The following SPINDOC variants were observed in gnomAD, a reference collection of about 807,000 sequenced individuals.
SPINDOC encodes the protein spindlin interactor and repressor of chromatin binding.
SPINDOC carries 13 observed loss-of-function variants against 30.7 expected under a neutral mutation model. The ratio of observed to expected loss-of-function variants is 0.42; its 90% confidence interval spans 0.28 to 0.67. The LOEUF (loss-of-function observed/expected upper bound fraction) is 0.67. Ranked by LOEUF, SPINDOC falls within the 30% of genes least tolerant of loss-of-function variation. The probability of loss-of-function intolerance (pLI) is 0.22; values close to 1 mark genes in which losing one functional copy is unlikely to be tolerated. For missense variants in SPINDOC, 438 were observed against 518.0 expected (o/e 0.85, Z 1.50); for synonymous variants, 228 against 211.4 (o/e 1.08, Z -0.68).
intron 5 of SPINDOC, among the ~76,000 whole-genome samples, chr11:63,824,530 G>A (rs1442445825): frequency 6.6e-6 from 1 of 152,106 alleles, no homozygotes; most frequent in Non-Finnish European, 1.5e-5. Flanking sequence ...GAATGAGTAC[G>A]TGCTTAAGTA....
Position 63,827,605 on chromosome 11 carries a change from G to T in SPINDOC, c.*466G>T, listed in dbSNP as rs1000257230. 5 of 191,560 alleles carry T rather than the reference G, an allele frequency of 2.6e-5. No individual in the cohort carries two copies. The highest frequency in any genetic ancestry group is 4.4e-5 in the Non-Finnish European group (4 of 90,376). 11.9% of individuals were successfully genotyped at this position (191,560 alleles called of 1,614,324 possible). On this transcript the variant is annotated 3_prime_UTR_variant, in exon 6 of 6. Coordinates refer to ENST00000294244, the MANE Select transcript of SPINDOC (RefSeq NM_138471.3). ...CATTACCTCTTCCTGTCCCACCCCTGCAGAGGCCTGAAGCTGGGCCTGGGC... is the reference window on the plus strand; with the variant it reads ...CATTACCTCTTCCTGTCCCACCCCTTCAGAGGCCTGAAGCTGGGCCTGGGC...
intron 5 of SPINDOC, among the ~76,000 whole-genome samples, chr11:63,820,198 G>A (rs2015471803): frequency 1.3e-5 from 2 of 151,654 alleles, no homozygotes; most frequent in African/African-American, 4.9e-5. Flanking sequence ...GGGAGTTTGA[G>A]ACCAACCTGG....
chr11:63,816,321 C>T (rs2015338013), intron 1 of SPINDOC, among the ~76,000 whole-genome samples: 1 of 152,256 alleles, frequency 6.6e-6, no homozygotes, highest in South Asian at 2.1e-4. Flanking sequence ...ATGCCCTAGA[C>T]GCAAGTGATG....
intron 5 of SPINDOC, among the ~76,000 whole-genome samples, chr11:63,824,609 GAC>G (rs869214838): frequency 2.6e-5 from 3 of 115,670 alleles, no homozygotes; most frequent in Non-Finnish European, 6.2e-5. Flanking sequence ...AGCTTTCAAT[GAC>G]ATGTGTGTGC....
rs1044148373 is a variant in SPINDOC, at chr11:63,827,545, C to T, written c.*406C>T. The T allele has an allele frequency of 4.2e-6, 1 of 239,922 alleles. No homozygotes were observed. The highest frequency in any genetic ancestry group is 8.4e-6 in the Non-Finnish European group (1 of 119,732). The allele number at this position is 239,922 out of a possible 1,614,324, so 14.9% of individuals were successfully genotyped here. ...CACTACCTCGGGGGACACCTCTCCT[C>T]CCCACTTGTTCAGGCTTCTAAACCA... On this transcript the variant is annotated 3_prime_UTR_variant, in exon 6 of 6. Coordinates refer to ENST00000294244, the MANE Select transcript of SPINDOC (RefSeq NM_138471.3).
In SPINDOC at chr11:63,813,781, C is replaced by A; in HGVS notation, c.95C>A (p.Ala32Asp). 1 of 1,588,572 alleles carries A rather than the reference C, an allele frequency of 6.3e-7. No homozygotes were observed. Among genetic ancestry groups the A allele is most frequent in the Non-Finnish European group, 8.6e-7 (1 of 1,168,444 alleles). Residue 32 changes from alanine to aspartate, a missense_variant, in exon 1 of 6, where the codon GCC becomes GAC. Ala to Asp is a moderately radical substitution (Grantham distance 126). This residue lies in a region of SPINDOC where 129 missense variants were observed against 152.7 expected (regional missense o/e 0.84). Coordinates refer to ENST00000294244, the MANE Select transcript of SPINDOC (RefSeq NM_138471.3). ...GACGAGGAGGAGGCCATGGTGGTGGCCGTAATTCCGCGGCCCGAGCCGATG... is the reference window on the plus strand; with the variant it reads ...GACGAGGAGGAGGCCATGGTGGTGGACGTAATTCCGCGGCCCGAGCCGATG... ...GEDEEEAMVV[A>D]VIPRPEPMLR... is the part of the protein sequence containing the mutation.
At chr11:63,815,777 T>C (rs2015323158) in intron 1 of SPINDOC, among the ~76,000 whole-genome samples, 1 of 152,116 alleles carries the variant, frequency 6.6e-6, no homozygotes, top group African/African-American at 2.4e-5. Flanking sequence ...GATTTTTTTT[T>C]TTTTTTTGAG....
intron 1 of SPINDOC, among the ~76,000 whole-genome samples, chr11:63,814,959 C>A (rs2015300315): frequency 6.6e-6 from 1 of 152,122 alleles, no homozygotes; most frequent in African/African-American, 2.4e-5. Flanking sequence ...ATTCACTGGA[C>A]GTCTACTTTA....
chr11:63,822,508 C>G, intron 5 of SPINDOC: 1 of 871,928 alleles, frequency 1.1e-6, no homozygotes, highest in Non-Finnish European at 1.6e-6. Flanking sequence ...AGAGAGAGCT[C>G]TCTGTGTGTT....
intron 1 of SPINDOC, among the ~76,000 whole-genome samples, chr11:63,815,717 A>G (rs1234111567): frequency 2.0e-5 from 3 of 152,032 alleles, no homozygotes; most frequent in Non-Finnish European, 2.9e-5. Context: ...AGATACAGAT[A>G]CAGATGCTGG....
At chr11:63,820,889 C>CA (rs60839586) in intron 5 of SPINDOC, among the ~76,000 whole-genome samples, 39,028 of 74,374 alleles carry the variant, frequency 0.52, 10,763 homozygotes, top group South Asian at 0.74. Flanking sequence ...AACTCCGTCT[C>CA]AAAAAAAAAA....
chr11:63,818,590 G>A lies in SPINDOC; in HGVS notation c.671G>A (p.Gly224Glu). 1 of 1,613,716 alleles carries A rather than the reference G, an allele frequency of 6.2e-7. No individual in the cohort carries two copies. Among genetic ancestry groups the A allele is most frequent in the Non-Finnish European group, 8.5e-7 (1 of 1,180,036 alleles). The change falls in exon 4 of 6, where the codon GGG (glycine) becomes GAG (glutamate). Residue 224 changes from glycine to glutamate, a missense_variant. Transcript: ENST00000294244. This position sits in a 1 kb window ranked among gnomAD's most constrained non-coding sequence, Gnocchi z 5.3. ...PRGQRWKEPPGEEPVRKKRGR... is the reference protein window; with the variant it reads ...PRGQRWKEPPEEEPVRKKRGR... ...GGTCAGAGATGGAAGGAACCCCCAGGGGAAGAGCCAGTCAGAAAGAAAAGA... is the reference window on the plus strand; with the variant it reads ...GGTCAGAGATGGAAGGAACCCCCAGAGGAAGAGCCAGTCAGAAAGAAAAGA...
At chr11:63,820,889 CAAA>C (rs60839586) in intron 5 of SPINDOC, among the ~76,000 whole-genome samples, 8 of 74,434 alleles carry the variant, frequency 1.1e-4, no homozygotes, top group African/African-American at 3.3e-4. Context: ...AACTCCGTCT[CAAA>C]AAAAAAAAAA....
chr11:63,819,872 G>A (rs1421103560), intron 5 of SPINDOC, among the ~76,000 whole-genome samples: 1 of 152,214 alleles, frequency 6.6e-6, no homozygotes, highest in African/African-American at 2.4e-5. Context: ...TTTCCCAGAA[G>A]CCTGATACTG....
rs954919471 is a variant in SPINDOC, at chr11:63,813,885, G to A, written c.127+72G>A. On this transcript the variant is annotated intron_variant, in intron 1 of 5. Transcript: ENST00000294244. The stretch of plus-strand genomic sequence containing the variant: ...GGCTGGGGCCGTCCCTCCCCAGTCG[G>A]GGTCCGGGACCCGGGCACCTTCTCA... The A allele has an allele frequency of 9.8e-5, 139 of 1,413,656 alleles. No individual in the cohort carries two copies. In the Middle Eastern group the frequency reaches 1.1e-3, roughly 11 times the overall value. 87.6% of individuals were successfully genotyped at this position (1,413,656 alleles called of 1,614,324 possible).
In SPINDOC at chr11:63,818,883, C is replaced by T. The variant is rs1169082228; in HGVS notation, c.815C>T (p.Ala272Val). The T allele has an allele frequency of 5.6e-6, 9 of 1,614,046 alleles. No homozygotes were observed. Among genetic ancestry groups the T allele is most frequent in the African/African-American group, 1.3e-5 (1 of 74,952 alleles). ...CACTTCACTGACGGCAGCTTCCCCG[C>T]CGGCTTCGTCTTGCAGCTCTTCTCC... Reference protein sequence around the residue: ...VRHFTDGSFPAGFVLQLFSHT... With the variant: ...VRHFTDGSFPVGFVLQLFSHT... The change falls in exon 5 of 6, where the codon GCC (alanine) becomes GTC (valine). Residue 272 changes from alanine (A) to valine (V), a missense_variant. By Grantham distance (64) the Ala-to-Val change is moderately conservative. This residue lies in a region of SPINDOC where 300 missense variants were observed against 332.8 expected (regional missense o/e 0.90). Transcript: ENST00000294244. This position sits in a 1 kb window ranked among gnomAD's most constrained non-coding sequence, Gnocchi z 5.3.
intron 5 of SPINDOC, among the ~76,000 whole-genome samples, chr11:63,824,389 G>A (rs626333): frequency 0.43 from 64,993 of 151,892 alleles, 16,458 homozygotes; most frequent in East Asian, 0.7. Flanking sequence ...GGAACACGTC[G>A]TATCATTGTC....
At chr11:63,820,056 A>G (rs2015466319) in intron 5 of SPINDOC, among the ~76,000 whole-genome samples, 1 of 152,014 alleles carries the variant, frequency 6.6e-6, no homozygotes, top group South Asian at 2.1e-4. Context: ...ATTGCCTCAT[A>G]ACAGCAGTAA....
Position 63,817,759 on chromosome 11 carries a change from T to C in SPINDOC, c.128-46T>C. On this transcript the variant is annotated intron_variant, in intron 1 of 5. Transcript: ENST00000294244. ...CTGGAGACGTGCTAAGTGTTGTTGGTTGTGGGCACCTTTAGTGATAACACC... is the reference window on the plus strand; with the variant it reads ...CTGGAGACGTGCTAAGTGTTGTTGGCTGTGGGCACCTTTAGTGATAACACC... The C allele has an allele frequency of 2.0e-6, 3 of 1,475,906 alleles. No individual in the cohort carries two copies. The South Asian group carries it at 4.0e-5, about 20-fold the overall frequency. 91.4% of individuals were successfully genotyped at this position (1,475,906 alleles called of 1,614,324 possible).
Sources: gnomAD v4.1 joint callset for allele counts (sites outside exome capture counted in the v4.1 genomes callset) on GRCh38, gnomAD v4.1.1 for gene constraint, gnomAD v4.1.1 regional missense constraint, Gnocchi (gnomAD v3.1) non-coding constraint, MANE v1.5 for transcripts, NCBI Gene and HGNC (gene_info 2026-07-23, HGNC 2026-07-21) for gene names.